The following CRACR2B variants were observed in gnomAD, a reference collection of about 807,000 sequenced individuals.
CRACR2B encodes the protein calcium release activated channel regulator 2B.
CRACR2B carries 50 observed loss-of-function variants against 46.0 expected under a neutral mutation model. The ratio of observed to expected loss-of-function variants is 1.09; its 90% CI spans 0.87 to 1.38. The LOEUF (loss-of-function observed/expected upper bound fraction) is 1.38, where lower values mean the gene tolerates loss of function less well. Among genes scored for constraint, CRACR2B ranks in the 40% most tolerant of loss-of-function variants. The pLI is 0.00. For missense variants in CRACR2B, 667 were observed against 535.0 expected (o/e 1.25, Z -2.43); for synonymous variants, 277 against 239.6 (o/e 1.16, Z -1.44).
chr11:830,832 G>C, intron 6 of CRACR2B, 34 bp from the exon 7 acceptor site: 2 of 1,496,612 alleles, frequency 1.3e-6, no homozygotes, highest in Non-Finnish European at 1.8e-6. Context: ...AAGAGGGGGC[G>C]TTCCTCGCCG....
rs1846297336 is a variant in CRACR2B at position 830,311 on chromosome 11, G to A, written c.667G>A (p.Glu223Lys). The change falls in exon 5 of 9, where the codon GAG becomes AAG. Residue 223 changes from glutamate to lysine, a missense_variant. Coordinates refer to ENST00000525077, the MANE Select transcript of CRACR2B (RefSeq NM_001286606.2). ...GTACGAGGAGACGGAGCAGCTTCGG[G>A]AGCAGAGCCGGCGCCCGCCGAGTCA... ...ALYEETEQLREQSRRPPSQNF... is the reference protein window; with the variant it reads ...ALYEETEQLRKQSRRPPSQNF... 3 of 1,534,532 alleles carry A rather than the reference G, an allele frequency of 2.0e-6. No individual in the cohort carries two copies. The highest frequency in any genetic ancestry group is 2.4e-5 in the South Asian group (2 of 83,854).
Position 830,324 on chromosome 11 carries a change from G to A in CRACR2B, c.680G>A (p.Arg227His), listed in dbSNP as rs1333396265. 54 of 1,534,160 alleles carry A rather than the reference G, an allele frequency of 3.5e-5. No individual in the cohort carries two copies. Among genetic ancestry groups the A allele is most frequent in the Non-Finnish European group, 4.6e-5 (53 of 1,144,416 alleles). ...GAGCAGCTTCGGGAGCAGAGCCGGC[G>A]CCCGCCGAGTCAGGTGGGCCTCGGG... is the stretch of plus-strand genomic sequence containing the variant. ...ETEQLREQSR[R>H]PPSQNFARGE... Residue 227 changes from arginine (R) to histidine (H), a missense_variant, in exon 5 of 9, where the codon CGC becomes CAC. Arg to His is a conservative substitution (Grantham distance 29). Coordinates refer to ENST00000525077, the MANE Select transcript of CRACR2B (RefSeq NM_001286606.2).
In CRACR2B at chr11:831,387, T is replaced by C. The variant is rs1307598002; in HGVS notation, c.1025+92T>C. ...CATTCTTGGCTGCCGCTCTACTCCA[T>C]TGGAAGTCCTTCCTTATGCCTGCCT... On this transcript the variant is annotated intron_variant, in intron 8 of 8. Coordinates refer to ENST00000525077, the MANE Select transcript of CRACR2B (RefSeq NM_001286606.2). The C allele has an allele frequency of 1.0e-5, 15 of 1,503,310 alleles. No homozygotes were observed. In the South Asian group the frequency reaches 1.3e-4, roughly 13 times the overall value. The allele number at this position is 1,503,310 out of a possible 1,614,324, so 93.1% of individuals were successfully genotyped here.
intron 2 of CRACR2B, 170 bp downstream of exon 2, chr11:829,133 G>A: frequency 8.0e-7 from 1 of 1,252,188 alleles, no homozygotes; most frequent in Middle Eastern, 1.8e-4. Context: ...GCGGTGGAGT[G>A]TGTGGAGCTG....
chr11:826,561 G>A (rs11246323), upstream of CRACR2B, among the ~76,000 whole-genome samples: 2 of 152,196 alleles, frequency 1.3e-5, no homozygotes, highest in African/African-American at 2.4e-5. Flanking sequence ...ATGGAGTTTC[G>A]TTCTTGTTGC....
intron 7 of CRACR2B, 87 bp downstream of exon 7, chr11:831,119 C>A: frequency 6.4e-7 from 1 of 1,573,536 alleles, no homozygotes; most frequent in Middle Eastern, 1.7e-4. Context: ...CTTTCATCCC[C>A]ATCTCAAGTC....
upstream of CRACR2B, among the ~76,000 whole-genome samples, chr11:826,726 T>A (rs574204126): frequency 6.6e-6 from 1 of 151,852 alleles, no homozygotes; most frequent in South Asian, 2.1e-4. Flanking sequence ...GGTTTCGCCA[T>A]GTTGGGCAGG....
rs1304193719 is a variant in CRACR2B at position 830,233 on chromosome 11, C to T, written c.606-17C>T. On this transcript the variant is annotated splice_polypyrimidine_tract_variant and intron_variant, in intron 4 of 8. Coordinates refer to ENST00000525077, the MANE Select transcript of CRACR2B (RefSeq NM_001286606.2). Reference sequence around the variant, plus strand: ...GCGCTGGCAAGTTCTCATCCGGGGTCGCCCGGTCCCCCGAAGGCGCGAGAG... The same window carrying T: ...GCGCTGGCAAGTTCTCATCCGGGGTTGCCCGGTCCCCCGAAGGCGCGAGAG... 1.3e-6 allele frequency: 2 copies of T among 1,498,720 alleles called. No homozygotes were observed. The highest frequency in any genetic ancestry group is 1.3e-5 in the South Asian group (1 of 77,276). 92.8% of individuals were successfully genotyped at this position (1,498,720 alleles called of 1,614,324 possible). A position where few individuals can be genotyped will look rare whatever the true frequency, so the allele number is the denominator to read the frequency against.
At chr11:829,941 T>C in intron 3 of CRACR2B, 45 bp from the exon 4 acceptor site, 2 of 1,534,906 alleles carry the variant, frequency 1.3e-6, no homozygotes, top group Non-Finnish European at 1.7e-6. Flanking sequence ...GAAGCCTGCT[T>C]CCCGCTTCTG....
At chr11:827,674 GC>G, upstream of CRACR2B, 1 of 343,594 alleles carries the variant, frequency 2.9e-6, no homozygotes, top group Non-Finnish European at 4.1e-6. Context: ...TCTCTCACCC[GC>G]CCAGACTTGC....
rs777009500 is a variant in CRACR2B, at chr11:830,313, G to A, written c.669G>A (p.Glu223=). 3.9e-6 allele frequency: 6 copies of A among 1,534,496 alleles called. No individual in the cohort carries two copies. The South Asian group carries it at 7.2e-5, about 18-fold the overall frequency. Residue 223 remains glutamate (E), a synonymous_variant, in exon 5 of 9, where the codon GAG becomes GAA. Transcript: ENST00000525077. ...ALYEETEQLR[E]QSRRPPSQNF... Reference sequence around the variant, plus strand: ...ACGAGGAGACGGAGCAGCTTCGGGAGCAGAGCCGGCGCCCGCCGAGTCAGG... The same window carrying A: ...ACGAGGAGACGGAGCAGCTTCGGGAACAGAGCCGGCGCCCGCCGAGTCAGG...
intron 8 of CRACR2B, 42 bp from the exon 9 acceptor site, chr11:831,492 AG>A (rs1565110657): frequency 2.6e-6 from 4 of 1,527,250 alleles, no homozygotes; most frequent in Non-Finnish European, 3.5e-6. Flanking sequence ...CCCCACCTTG[AG>A]CTCCCTCAGA....
At position 831,846 on chromosome 11, in the gene CRACR2B, C is replaced by T; in HGVS notation, c.*137C>T. The stretch of plus-strand genomic sequence containing the variant: ...TCGCCTGACTGAAGACATGAAGGAC[C>T]TAGCCTAGGAGTGGTCAGGGTCCCG... On this transcript the variant is annotated 3_prime_UTR_variant, in exon 9 of 9. Transcript: ENST00000525077. 8.7e-7 allele frequency: 1 copy of T among 1,155,324 alleles called. No individual in the cohort carries two copies. Among genetic ancestry groups the T allele is most frequent in the Non-Finnish European group, 1.2e-6 (1 of 862,302 alleles). The allele number at this position is 1,155,324 out of a possible 1,614,324, so 71.6% of individuals were successfully genotyped here.
rs779866092 is a variant in CRACR2B, at chr11:831,317, A to C, written c.1025+22A>C. 3 of 1,594,384 alleles carry C rather than the reference A, an allele frequency of 1.9e-6. No individual in the cohort carries two copies. The South Asian group carries it at 3.4e-5, about 18-fold the overall frequency. Reference sequence around the variant, plus strand: ...TCAGGTACGGTCAGGCTCAGGCCCGAGAGGGAATGGGCTCAGCGGAGCTTG... The same window carrying C: ...TCAGGTACGGTCAGGCTCAGGCCCGCGAGGGAATGGGCTCAGCGGAGCTTG... On this transcript the variant is annotated intron_variant, in intron 8 of 8. Coordinates refer to ENST00000525077, the MANE Select transcript of CRACR2B (RefSeq NM_001286606.2).
At position 828,302 on chromosome 11, in the gene CRACR2B, C is replaced by T. The variant is rs918237572; in HGVS notation, c.-306C>T. 3 of 382,262 alleles carry T rather than the reference C, an allele frequency of 7.8e-6. No homozygotes were observed. The highest frequency in any genetic ancestry group is 6.9e-4 in the Middle Eastern group (1 of 1,446). 23.7% of individuals were successfully genotyped at this position (382,262 alleles called of 1,614,324 possible). On this transcript the variant is annotated 5_prime_UTR_variant, in exon 1 of 9. Coordinates refer to ENST00000525077, the MANE Select transcript of CRACR2B (RefSeq NM_001286606.2). ...CTGAGATTGCCATCACCTCCAGCTC[C>T]TCCTCTCCTGAAGTTGGCAGCCCCT...
chr11:830,662 G>A lies in CRACR2B; in HGVS notation c.735G>A (p.Glu245=), dbSNP rs556837233. ...AGCGGAGAAGCCGTCTGGAGCTGGA[G>A]CTGCAGAGCCGCGAGCAGGACCTGG... The part of the protein sequence containing the change: ...RGERRSRLEL[E]LQSREQDLER... The change falls in exon 6 of 9, where the codon GAG becomes GAA. Residue 245 remains glutamate (E), a synonymous_variant. Transcript: ENST00000525077. 66 of 1,547,834 alleles carry A rather than the reference G, an allele frequency of 4.3e-5. No homozygotes were observed. The African/African-American group carries it at 7.9e-4, about 19-fold the overall frequency.
rs774046753 is a variant in CRACR2B, at chr11:828,928, G to A, written c.242G>A (p.Gly81Asp). ...VFESLDRAHT[G>D]FLTAREFCLG... ...GAAAGTCTGGACCGGGCTCACACTG[G>A]CTTCCTCACCGCCAGGGAGTTCTGC... The change falls in exon 2 of 9, where the codon GGC becomes GAC. Residue 81 changes from glycine (G) to aspartate (D), a missense_variant. Gly to Asp is a moderately conservative substitution (Grantham distance 94, BLOSUM62 -1). Transcript: ENST00000525077. The A allele has an allele frequency of 1.1e-5, 17 of 1,606,742 alleles. No homozygotes were observed. The Admixed American group carries it at 2.8e-4, about 27-fold the overall frequency.
At chr11:827,534 C>T (rs1590186549), upstream of CRACR2B, 2 of 985,108 alleles carry the variant, frequency 2.0e-6, no homozygotes, top group Non-Finnish European at 2.4e-6. Flanking sequence ...GCCCATCCTC[C>T]CACCTCCCTG....
At chr11:830,443 G>C in intron 5 of CRACR2B, 106 bp downstream of exon 5, 2 of 1,536,342 alleles carry the variant, frequency 1.3e-6, no homozygotes, top group Non-Finnish European at 1.7e-6. Context: ...CCACCTCCGC[G>C]GGTCCAGGCT....
Sources: allele counts gnomAD v4.1 joint callset (sites outside exome capture counted in the v4.1 genomes callset), GRCh38; gene constraint gnomAD v4.1.1; transcripts MANE v1.5; gene names NCBI Gene and HGNC (gene_info 2026-07-23, HGNC 2026-07-21).